Variants in DLGAP2 observed in about 807,000 individuals in gnomAD.
The protein encoded by DLGAP2 is DLG associated protein 2.
Under a neutral mutation model 100.3 loss-of-function variants are expected in DLGAP2, and 26 were observed. The ratio of observed to expected loss-of-function variants is 0.26; its 90% CI spans 0.19 to 0.36. DLGAP2 has a LOEUF of 0.36. DLGAP2 is among the 10% of genes least tolerant of loss of function. DLGAP2 has a pLI of 1.00. For synonymous variants in DLGAP2, 886 were observed against 630.1 expected (o/e 1.41, Z -6.08); for missense variants, 1,858 against 1,453.2 (o/e 1.28, Z -4.53).
At chr8:1,683,856 A>ATATATATATATATATATGTG (rs1467438870) in intron 12 of DLGAP2, among the ~76,000 whole-genome samples, 6 of 62,226 alleles carry the variant, frequency 9.6e-5, no homozygotes, top group African/African-American at 5.0e-4. Context: ...ATATATATAT[A>ATATATATATATATATATGTG]TGTGTGTGTG....
intron 2 of DLGAP2, among the ~76,000 whole-genome samples, chr8:1,200,399 G>A (rs1330806881): frequency 6.6e-6 from 1 of 152,182 alleles, no homozygotes; most frequent in African/African-American, 2.4e-5. Context: ...ATTTCCTCAA[G>A]GACAGTCACT....
chr8:1,485,224 C>T (rs1037361318), intron 3 of DLGAP2, among the ~76,000 whole-genome samples: 10 of 152,134 alleles, frequency 6.6e-5, no homozygotes, highest in African/African-American at 1.9e-4. Flanking sequence ...AATTATGATA[C>T]GCTTTTTTTG....
At chr8:1,134,538 T>TAATG (rs1385139746) in intron 2 of DLGAP2, among the ~76,000 whole-genome samples, 4 of 152,180 alleles carry the variant, frequency 2.6e-5, no homozygotes, top group Admixed American at 1.3e-4. Context: ...TTGCATTAAT[T>TAATG]AATGATAGAA....
chr8:852,207 G>T (rs1174990884), intron 1 of DLGAP2, among the ~76,000 whole-genome samples: 6 of 152,100 alleles, frequency 3.9e-5, no homozygotes, highest in African/African-American at 1.4e-4. Flanking sequence ...TAGGAAATCT[G>T]TCTCTCTCAC....
chr8:1,684,485 A>G (rs952405207), intron 12 of DLGAP2, among the ~76,000 whole-genome samples: 14 of 152,142 alleles, frequency 9.2e-5, no homozygotes, highest in South Asian at 6.2e-4. Flanking sequence ...TTATGAGACT[A>G]AAACTCTGAT....
chr8:1,192,120 T>G (rs1797653432), intron 2 of DLGAP2, among the ~76,000 whole-genome samples: 1 of 152,094 alleles, frequency 6.6e-6, no homozygotes, highest in Non-Finnish European at 1.5e-5. Flanking sequence ...GGCTTTCTCC[T>G]CTCGTACGTG....
intron 2 of DLGAP2, among the ~76,000 whole-genome samples, chr8:1,005,129 G>A (rs1801069396): frequency 2.6e-5 from 4 of 152,278 alleles, no homozygotes; most frequent in East Asian, 1.9e-4. Flanking sequence ...CGAAAGTAGT[G>A]TCACTGGTGC....
chr8:1,387,097 T>G (rs1168618262), intron 3 of DLGAP2, among the ~76,000 whole-genome samples: 2 of 152,040 alleles, frequency 1.3e-5, no homozygotes, highest in Non-Finnish European at 2.9e-5. Context: ...GTCGAAAAGC[T>G]CAGGTATCAT....
In DLGAP2 at chr8:894,735, C is replaced by T. The variant is rs1338614715; in HGVS notation, c.19-13177C>T. On this transcript the variant is annotated intron_variant, in intron 1 of 14. Coordinates refer to ENST00000637795, the MANE Select transcript of DLGAP2 (RefSeq NM_001346810.2). ...AAGAGCAGAGTGGTGGCTGGCAGGG[C>T]AGGGTGGGGAGAGCGGAGTGGTGAC... 5.0e-4 allele frequency among the ~76,000 whole-genome samples: 45 copies of T among 89,476 alleles called. 1 individual carries two copies. Among genetic ancestry groups the T allele is most frequent in the African/African-American group, 2.0e-3 (43 of 21,698 alleles). 58.7% of individuals were successfully genotyped at this position (89,476 alleles called of 152,430 possible). A position where few individuals can be genotyped will look rare whatever the true frequency, so the allele number is the denominator to read the frequency against.
intron 3 of DLGAP2, among the ~76,000 whole-genome samples, chr8:1,284,671 G>C (rs1321203648): frequency 6.6e-6 from 1 of 152,122 alleles, no homozygotes; most frequent in African/African-American, 2.4e-5. Context: ...ACCCAGGTTG[G>C]AATGAAGTGG....
At chr8:1,089,486 G>A (rs1209196805) in intron 2 of DLGAP2, among the ~76,000 whole-genome samples, 2 of 152,200 alleles carry the variant, frequency 1.3e-5, no homozygotes, top group East Asian at 3.9e-4. Flanking sequence ...CTGTCCCCCA[G>A]GGTCTCTCCT....
chr8:1,488,903 A>G (rs745647660), intron 3 of DLGAP2, among the ~76,000 whole-genome samples: 4 of 152,160 alleles, frequency 2.6e-5, no homozygotes, highest in Non-Finnish European at 5.9e-5. Context: ...AGGGTGGGTA[A>G]GCAAATGCAG....
At chr8:1,241,455 G>C (rs924241006) in intron 2 of DLGAP2, among the ~76,000 whole-genome samples, 1 of 152,168 alleles carries the variant, frequency 6.6e-6, no homozygotes, top group Admixed American at 6.5e-5. Context: ...CTCACACCCT[G>C]ACGCGTTATT....
At chr8:1,182,706 C>T (rs1354264367) in intron 2 of DLGAP2, among the ~76,000 whole-genome samples, 2 of 152,212 alleles carry the variant, frequency 1.3e-5, no homozygotes, top group African/African-American at 4.8e-5. Flanking sequence ...CCTGCCATCA[C>T]GTCTGCGCTG....
chr8:1,584,269 GCC>G (rs953468375), intron 6 of DLGAP2, among the ~76,000 whole-genome samples: 4 of 152,146 alleles, frequency 2.6e-5, no homozygotes, highest in Non-Finnish European at 5.9e-5. Flanking sequence ...CCTGTTTAGA[GCC>G]TAAACATAAA....
intron 4 of DLGAP2, among the ~76,000 whole-genome samples, chr8:1,545,062 A>G (rs1342042635): frequency 6.6e-6 from 1 of 152,090 alleles, no homozygotes; most frequent in Non-Finnish European, 1.5e-5. Context: ...CTCTATTTAT[A>G]AGGGATATTA....
At chr8:772,134 G>A (rs1233035057) in intron 1 of DLGAP2, among the ~76,000 whole-genome samples, 1 of 152,140 alleles carries the variant, frequency 6.6e-6, no homozygotes, top group African/African-American at 2.4e-5. Flanking sequence ...CTCCTGGGCT[G>A]AAGCGATTCT....
chr8:1,696,705 G>A (rs994083845), intron 13 of DLGAP2, among the ~76,000 whole-genome samples: 3 of 152,194 alleles, frequency 2.0e-5, no homozygotes, highest in African/African-American at 4.8e-5. Context: ...CCGTAAGAAC[G>A]AGAGCTAAGA....
At chr8:1,324,645 T>C (rs1800979953) in intron 3 of DLGAP2, among the ~76,000 whole-genome samples, 2 of 152,214 alleles carry the variant, frequency 1.3e-5, no homozygotes, top group African/African-American at 4.8e-5. Context: ...AAAAGCGCCT[T>C]TGGACTGGAA....
Sources: gnomAD v4.1 joint callset for allele counts (sites outside exome capture counted in the v4.1 genomes callset) on GRCh38, gnomAD v4.1.1 for gene constraint, MANE v1.5 for transcripts, NCBI Gene and HGNC (gene_info 2026-07-23, HGNC 2026-07-21) for gene names.